The following COX10 variants were observed in gnomAD, a reference collection of about 807,000 sequenced individuals.
The protein encoded by COX10 is protoheme IX farnesyltransferase, mitochondrial.
In COX10, 27 loss-of-function variants were observed where a neutral mutation model predicts 37.3. The observed-to-expected ratio is 0.72, with a 90% CI of 0.53 to 1.00. The LOEUF (loss-of-function observed/expected upper bound fraction) is 1.00, where lower values mean the gene tolerates loss of function less well. COX10 is among the 50% of genes least tolerant of loss of function. COX10 has a pLI of 0.00. For synonymous variants in COX10, 222 were observed against 229.1 expected (o/e 0.97, Z 0.28); for missense variants, 475 against 563.2 (o/e 0.84, Z 1.59).
chr17:14,186,822 A>G (rs1004278410), intron 5 of COX10, among the ~76,000 whole-genome samples: 11 of 152,090 alleles, frequency 7.2e-5, no homozygotes, highest in African/African-American at 2.7e-4. Flanking sequence ...GTATTACACC[A>G]GTGTGCCCCA....
chr17:14,091,348 C>T (rs1355086333), intron 3 of COX10, among the ~76,000 whole-genome samples: 1 of 152,152 alleles, frequency 6.6e-6, no homozygotes, highest in Non-Finnish European at 1.5e-5. Flanking sequence ...TTAGGTTTGA[C>T]AAACTATTGA....
chr17:14,104,054 A>G (rs1915840235), intron 4 of COX10, among the ~76,000 whole-genome samples: 1 of 152,004 alleles, frequency 6.6e-6, no homozygotes, highest in South Asian at 2.1e-4. Flanking sequence ...ATGTTCCTCC[A>G]TGTGTCACTC....
intron 4 of COX10, among the ~76,000 whole-genome samples, chr17:14,117,194 T>C (rs1004831612): frequency 2.0e-5 from 3 of 152,208 alleles, no homozygotes; most frequent in African/African-American, 7.2e-5. Context: ...ACATTAACCC[T>C]TTGTTACAAC....
chr17:14,145,501 T>A (rs190868811), intron 4 of COX10, among the ~76,000 whole-genome samples: 1 of 152,218 alleles, frequency 6.6e-6, no homozygotes, highest in Non-Finnish European at 1.5e-5. Flanking sequence ...GAAAGCATGT[T>A]TTCCTTGAGA....
chr17:14,089,506 G>A (rs569313751), intron 3 of COX10, among the ~76,000 whole-genome samples: 152 of 152,314 alleles, frequency 1.0e-3, no homozygotes, highest in African/African-American at 3.6e-3. Context: ...ATGAAAAAGT[G>A]TAGGTGGTTG....
intron 5 of COX10, among the ~76,000 whole-genome samples, chr17:14,190,099 G>C (rs1373415347): frequency 6.6e-6 from 1 of 152,186 alleles, no homozygotes; most frequent in African/African-American, 2.4e-5. Context: ...GTATAAGAGG[G>C]AAGGGCATCT....
intron 1 of COX10, among the ~76,000 whole-genome samples, chr17:14,073,284 C>T (rs948271510): frequency 5.9e-5 from 9 of 152,116 alleles, no homozygotes; most frequent in Admixed American, 4.6e-4. Context: ...AAGAAGTGGA[C>T]AGATCTGACC....
intron 3 of COX10, among the ~76,000 whole-genome samples, chr17:14,093,215 C>G (rs893999055): frequency 1.3e-5 from 2 of 152,094 alleles, no homozygotes; most frequent in Admixed American, 6.6e-5. Context: ...TGATAGTTAT[C>G]CAACTTGATT....
intron 3 of COX10, among the ~76,000 whole-genome samples, chr17:14,099,559 C>G (rs1157834181): frequency 6.6e-6 from 1 of 152,042 alleles, no homozygotes; most frequent in African/African-American, 2.4e-5. Flanking sequence ...TGTAGCCCCC[C>G]TCATGGTTAC....
chr17:14,191,313 C>T (rs901712837), intron 5 of COX10, among the ~76,000 whole-genome samples: 1 of 148,424 alleles, frequency 6.7e-6, no homozygotes, highest in African/African-American at 2.5e-5. Flanking sequence ...CCTTGAAAAT[C>T]CCGTGTGCAT....
chr17:14,183,459 A>G (rs1158369216), intron 5 of COX10, among the ~76,000 whole-genome samples: 1 of 152,208 alleles, frequency 6.6e-6, no homozygotes, highest in African/African-American at 2.4e-5. Flanking sequence ...TAAAAATTCA[A>G]TCCAGCAAGA....
chr17:14,193,273 C>T lies in COX10; in HGVS notation c.928+1052C>T, dbSNP rs3020892. Among the ~76,000 whole-genome samples the T allele has an allele frequency of 2.6e-3, 398 of 151,742 alleles. 1 individual carries two copies. The highest frequency in any genetic ancestry group is 3.3e-3 in the African/African-American group (137 of 41,254). ...GAGCTGTGCATCCTTCGCAGCTGAA[C>T]TCAGCCTCTTTCTGCCACTGTCTCC... On this transcript the variant is annotated intron_variant, in intron 6 of 6. Coordinates refer to ENST00000261643, the MANE Select transcript of COX10 (RefSeq NM_001303.4).
intron 4 of COX10, among the ~76,000 whole-genome samples, chr17:14,114,649 A>G (rs1170584587): frequency 1.3e-5 from 2 of 152,134 alleles, no homozygotes; most frequent in African/African-American, 2.4e-5. Flanking sequence ...TGTTTGATGA[A>G]TACTTTAGAG....
At chr17:14,131,698 T>G (rs1265907993) in intron 4 of COX10, among the ~76,000 whole-genome samples, 1 of 152,028 alleles carries the variant, frequency 6.6e-6, no homozygotes, top group Non-Finnish European at 1.5e-5. Context: ...ATTTTCCCCT[T>G]CAAATAAATC....
chr17:14,152,721 T>G (rs185105515), intron 4 of COX10, among the ~76,000 whole-genome samples: 91 of 152,282 alleles, frequency 6.0e-4, no homozygotes, highest in African/African-American at 2.1e-3. Flanking sequence ...ACCACGTGGC[T>G]GTCTCTTGTC....
At chr17:14,200,093 G>T (rs908769679) in intron 6 of COX10, among the ~76,000 whole-genome samples, 3 of 152,128 alleles carry the variant, frequency 2.0e-5, no homozygotes, top group Admixed American at 1.3e-4. Context: ...CAATGGGTTT[G>T]GGGGGTGGGG....
intron 6 of COX10, among the ~76,000 whole-genome samples, chr17:14,204,232 GAA>G (rs1383132857): frequency 2.6e-5 from 4 of 152,068 alleles, no homozygotes; most frequent in African/African-American, 9.7e-5. Context: ...GCTTGCTCAG[GAA>G]AAGACGCTCA....
Position 14,119,819 on chromosome 17 carries a change from T to A in COX10, c.624+17577T>A, listed in dbSNP as rs536068590. 2.0e-5 allele frequency among the ~76,000 whole-genome samples: 3 copies of A among 150,788 alleles called. No individual in the cohort carries two copies. The South Asian group carries it at 6.3e-4, about 32-fold the overall frequency. ...GTAGCTCAGACCATGAATAGTCTTA[T>A]AGACTATGTTAAGATTTTCTTTTAT... is the stretch of plus-strand genomic sequence containing the variant. On this transcript the variant is annotated intron_variant, in intron 4 of 6. Transcript: ENST00000261643.
chr17:14,100,184 A>G (rs1238671579), intron 3 of COX10, among the ~76,000 whole-genome samples: 1 of 152,154 alleles, frequency 6.6e-6, no homozygotes, highest in African/African-American at 2.4e-5. Context: ...GCCTTCTTGC[A>G]TTAGACTTTC....
Sources: allele counts gnomAD v4.1 joint callset (sites outside exome capture counted in the v4.1 genomes callset), GRCh38; gene constraint gnomAD v4.1.1; transcripts MANE v1.5; gene names NCBI Gene and HGNC (gene_info 2026-07-23, HGNC 2026-07-21).